The following SMARCAD1 variants were observed in gnomAD, a reference collection of about 807,000 sequenced individuals.
SMARCAD1 encodes the protein SNF2 related chromatin remodeling ATPase with DExD box 1.
A neutral mutation model predicts 127.1 loss-of-function variants in SMARCAD1; 25 were observed. The observed-to-expected ratio is 0.20, with a 90% CI of 0.14 to 0.27. SMARCAD1 has a LOEUF of 0.27. SMARCAD1 is among the 10% of genes least tolerant of loss of function. The probability of loss-of-function intolerance (pLI) is 1.00; values close to 1 mark genes in which losing one functional copy is unlikely to be tolerated. For missense variants in SMARCAD1, 807 were observed against 1,206.0 expected (o/e 0.67, Z 4.90); for synonymous variants, 400 against 396.9 (o/e 1.01, Z -0.09).
At chr4:94,236,422 A>G (rs1746661623) in intron 4 of SMARCAD1, among the ~76,000 whole-genome samples, 1 of 152,204 alleles carries the variant, frequency 6.6e-6, no homozygotes, top group African/African-American at 2.4e-5. Flanking sequence ...ATTCAGAAAT[A>G]GAGTAAAAAT....
At chr4:94,241,784 T>A (rs1747607486) in intron 6 of SMARCAD1, among the ~76,000 whole-genome samples, 1 of 152,172 alleles carries the variant, frequency 6.6e-6, no homozygotes, top group African/African-American at 2.4e-5. Flanking sequence ...ATAGCCAGAT[T>A]AATCTTGGTG....
intron 6 of SMARCAD1, among the ~76,000 whole-genome samples, chr4:94,246,854 A>T (rs185498311): frequency 3.3e-5 from 5 of 152,320 alleles, no homozygotes; most frequent in Admixed American, 3.3e-4. Flanking sequence ...ACCTGCCAAG[A>T]TAAAAACGGA....
intron 9 of SMARCAD1, 154 bp downstream of exon 9, chr4:94,253,161 T>C: frequency 6.6e-7 from 1 of 1,520,800 alleles, no homozygotes; most frequent in South Asian, 1.2e-5. Context: ...GCCAATAGTA[T>C]TTCAAATAGT....
At chr4:94,270,466 T>C (rs1386895644) in intron 10 of SMARCAD1, 1 of 364,768 alleles carries the variant, frequency 2.7e-6, no homozygotes, top group East Asian at 5.7e-5. Flanking sequence ...ATGGAATTAA[T>C]TTGGAGGTAC....
chr4:94,262,889 T>TAAAAAAAAA (rs368026206), intron 9 of SMARCAD1, among the ~76,000 whole-genome samples: 1 of 87,418 alleles, frequency 1.1e-5, no homozygotes, highest in Non-Finnish European at 2.6e-5. Context: ...TAATTTCTGT[T>TAAAAAAAAA]AAAAAAAAAA....
At position 94,226,193 on chromosome 4, in the gene SMARCAD1, A is replaced by G. The variant is rs1372310395; in HGVS notation, c.265A>G (p.Ile89Val). Reference protein sequence around the residue: ...SISYFKNQRGIQYIDLSSDSE... With the variant: ...SISYFKNQRGVQYIDLSSDSE... ...ATCATATTTCAAAAATCAAAGAGGA[A>G]TACAGTATATTGATTTGTCTTCTGA... The change falls in exon 3 of 24, where the codon ATA becomes GTA. Residue 89 changes from isoleucine to valine, a missense_variant. Transcript: ENST00000354268. 6.2e-7 allele frequency: 1 copy of G among 1,611,598 alleles called. No homozygotes were observed. The highest frequency in any genetic ancestry group is 8.5e-7 in the Non-Finnish European group (1 of 1,177,938).
chr4:94,281,167 A>G (rs1753967219), intron 20 of SMARCAD1, among the ~76,000 whole-genome samples: 1 of 152,350 alleles, frequency 6.6e-6, no homozygotes, highest in African/African-American at 2.4e-5. Flanking sequence ...TAATACATAC[A>G]TAAGCAGTTG....
chr4:94,246,175 A>G (rs928508981), intron 6 of SMARCAD1, among the ~76,000 whole-genome samples: 5 of 149,552 alleles, frequency 3.3e-5, no homozygotes, highest in Non-Finnish European at 5.9e-5. Flanking sequence ...GCTGGAGTGC[A>G]ATGGCATGAT....
chr4:94,259,053 C>T (rs1394932418), intron 9 of SMARCAD1, among the ~76,000 whole-genome samples: 3 of 152,134 alleles, frequency 2.0e-5, no homozygotes, highest in African/African-American at 4.8e-5. Context: ...GCACATTACC[C>T]ACAATATATT....
chr4:94,272,665 A>G (rs1752705341), intron 11 of SMARCAD1, among the ~76,000 whole-genome samples: 1 of 152,050 alleles, frequency 6.6e-6, no homozygotes, highest in African/African-American at 2.4e-5. Context: ...TCTTATATGT[A>G]TCAGTAATTT....
intron 14 of SMARCAD1, among the ~76,000 whole-genome samples, chr4:94,275,796 CTTTTTTTT>C (rs535710589): frequency 3.5e-5 from 3 of 85,412 alleles, no homozygotes; most frequent in Admixed American, 1.3e-4. Flanking sequence ...TTAACATTTT[CTTTTTTTT>C]TTTTTTTTTT....
At chr4:94,242,727 G>A (rs1423644605) in intron 6 of SMARCAD1, among the ~76,000 whole-genome samples, 2 of 144,584 alleles carry the variant, frequency 1.4e-5, no homozygotes, top group African/African-American at 5.1e-5. Flanking sequence ...AATATAGTGG[G>A]ACTCCTGTCT....
chr4:94,249,642 T>C lies in SMARCAD1; in HGVS notation c.706-12T>C, dbSNP rs569308581. 2.9e-5 allele frequency: 40 copies of C among 1,374,220 alleles called. No individual in the cohort carries two copies. Among genetic ancestry groups the C allele is most frequent in the African/African-American group, 1.1e-4 (8 of 70,952 alleles). 85.1% of individuals were successfully genotyped at this position (1,374,220 alleles called of 1,614,324 possible). A position where few individuals can be genotyped will look rare whatever the true frequency, so the allele number is the denominator to read the frequency against. ...CTCTTAAATTGTTTTCTTTTTTTTTTCTCCCCATTAGGGAGAGGAATCAAA... is the reference window on the plus strand; with the variant it reads ...CTCTTAAATTGTTTTCTTTTTTTTTCCTCCCCATTAGGGAGAGGAATCAAA... On this transcript the variant is annotated splice_polypyrimidine_tract_variant and intron_variant, in intron 6 of 23. Coordinates refer to ENST00000354268, the MANE Select transcript of SMARCAD1 (RefSeq NM_020159.5).
chr4:94,217,390 A>T (rs1743363548), intron 2 of SMARCAD1, among the ~76,000 whole-genome samples: 1 of 152,082 alleles, frequency 6.6e-6, no homozygotes, highest in Non-Finnish European at 1.5e-5. Context: ...TTACCAGATT[A>T]TTTTAATTTT....
At chr4:94,227,040 G>GA (rs763696423) in intron 3 of SMARCAD1, among the ~76,000 whole-genome samples, 1 of 152,078 alleles carries the variant, frequency 6.6e-6, no homozygotes, top group African/African-American at 2.4e-5. Flanking sequence ...AGCGTGGTCA[G>GA]AAAAGCCTCA....
At chr4:94,208,614 A>G in intron 2 of SMARCAD1, 30 bp downstream of exon 2, 5 of 1,596,736 alleles carry the variant, frequency 3.1e-6, no homozygotes, top group Non-Finnish European at 4.3e-6. Context: ...TTGATGTAAC[A>G]TCAAGGACAG....
At chr4:94,244,764 A>T (rs1362034082) in intron 6 of SMARCAD1, among the ~76,000 whole-genome samples, 1 of 152,018 alleles carries the variant, frequency 6.6e-6, no homozygotes, top group Non-Finnish European at 1.5e-5. Flanking sequence ...TTAAAAAAAA[A>T]AAAAAACTTA....
chr4:94,236,114 AT>A (rs2125866935), intron 4 of SMARCAD1, among the ~76,000 whole-genome samples: 1 of 152,292 alleles, frequency 6.6e-6, no homozygotes, highest in East Asian at 1.9e-4. Flanking sequence ...TGCTTTGGCT[AT>A]TTTGAAAATG....
intron 6 of SMARCAD1, among the ~76,000 whole-genome samples, chr4:94,246,300 T>C (rs186219337): frequency 1.6e-3 from 239 of 152,100 alleles, no homozygotes; most frequent in African/African-American, 5.4e-3. Flanking sequence ...TTTGTATTTT[T>C]AGTAGAAACG....
Sources: allele counts gnomAD v4.1 joint callset (sites outside exome capture counted in the v4.1 genomes callset), GRCh38; gene constraint gnomAD v4.1.1; transcripts MANE v1.5; gene names NCBI Gene and HGNC (gene_info 2026-07-23, HGNC 2026-07-21).